SYN3: variants seen among roughly 807,000 people sequenced by gnomAD.
SYN3 encodes synapsin III.
SYN3 carries 35 observed loss-of-function variants against 65.8 expected under a neutral mutation model. The observed-to-expected ratio is 0.53, with a 90% CI of 0.41 to 0.70. The LOEUF is 0.70. SYN3 is among the 30% of genes least tolerant of loss of function. SYN3 has a pLI of 0.00. For missense variants in SYN3, 680 were observed against 749.0 expected, an observed-to-expected ratio of 0.91 and a Z score of 1.08; for synonymous variants, 270 against 292.9, an observed-to-expected ratio of 0.92 and a Z score of 0.80.
At chr22:32,728,813 G>A (rs1323731097) in intron 6 of SYN3, among the ~76,000 whole-genome samples, 1 of 152,176 alleles carries the variant, frequency 6.6e-6, no homozygotes, top group African/African-American at 2.4e-5. Flanking sequence ...TATCCAACAG[G>A]CTCTTGCCCT....
At chr22:32,785,564 G>A (rs894576754) in intron 6 of SYN3, among the ~76,000 whole-genome samples, 3 of 152,158 alleles carry the variant, frequency 2.0e-5, no homozygotes, top group African/African-American at 7.2e-5. Flanking sequence ...TCAAATGCTC[G>A]TGCATCCCAC....
chr22:32,740,865 C>T (rs1472946436), intron 6 of SYN3, among the ~76,000 whole-genome samples: 1 of 152,128 alleles, frequency 6.6e-6, no homozygotes, highest in African/African-American at 2.4e-5. Flanking sequence ...GCCAACAGAT[C>T]CCAGTATCCA....
chr22:32,992,925 C>T (rs1380685316), intron 2 of SYN3, among the ~76,000 whole-genome samples: 2 of 152,198 alleles, frequency 1.3e-5, no homozygotes, highest in Admixed American at 6.5e-5. Flanking sequence ...TCCATTCTGC[C>T]TTCTTCTGGT....
chr22:32,782,717 C>T (rs1602137874), intron 6 of SYN3, among the ~76,000 whole-genome samples: 1 of 151,804 alleles, frequency 6.6e-6, no homozygotes, highest in Non-Finnish European at 1.5e-5. Flanking sequence ...TGGGGTTGCA[C>T]CATGTTAGCC....
chr22:32,604,833 C>G (rs555909007), intron 6 of SYN3, among the ~76,000 whole-genome samples: 24 of 151,272 alleles, frequency 1.6e-4, no homozygotes, highest in East Asian at 5.8e-4. Flanking sequence ...GTGAAACCCA[C>G]TCTCTACTAA....
In SYN3 at chr22:32,531,430, C is replaced by T. The variant is rs373223709; in HGVS notation, c.1095+2363G>A. Reference sequence around the variant, plus strand: ...ATTCCCTGCAGTGGAAAACAGCCACCGCAAGGAACCTGAGGTTCATTTTGG... The same window carrying T: ...ATTCCCTGCAGTGGAAAACAGCCACTGCAAGGAACCTGAGGTTCATTTTGG... On this transcript the variant is annotated intron_variant, in intron 10 of 13. Transcript: ENST00000358763. Among the ~76,000 whole-genome samples, 4 of 152,258 alleles carry T rather than the reference C, an allele frequency of 2.6e-5. 1 individual carries two copies. The highest frequency in any genetic ancestry group is 9.6e-5 in the African/African-American group (4 of 41,550).
At chr22:32,948,018 C>A (rs1321848918) in intron 3 of SYN3, among the ~76,000 whole-genome samples, 2 of 152,170 alleles carry the variant, frequency 1.3e-5, no homozygotes, top group Non-Finnish European at 2.9e-5. Flanking sequence ...AGACTCTCAG[C>A]TGCTTAGGGC....
rs147984631 is a variant in SYN3, at chr22:33,006,531, G to A, written c.132C>T (p.His44=). ...AGAAGGAGGCAGCCAGGGGCTGGGG[G>A]TGCCTCCTCTCCATGGCGGGGGAAG... ...SPASPAMERR[H]PQPLAASFSS... Residue 44 remains histidine (H), a synonymous_variant, in exon 2 of 14, where the codon CAC becomes CAT. Coordinates refer to ENST00000358763, the MANE Select transcript of SYN3 (RefSeq NM_003490.4). 1.8e-4 allele frequency: 287 copies of A among 1,614,196 alleles called. 1 individual carries two copies. The African/African-American group carries it at 3.6e-3, about 20-fold the overall frequency.
rs1158885870 is a variant in SYN3, at chr22:33,015,220, CAAAAAAAAAA to C, written c.-162-8406_-162-8397del. On this transcript the variant is annotated intron_variant, in intron 1 of 13. Transcript: ENST00000358763. ...TGGGCGACAGAGTGAGACTCCGTCT[CAAAAAAAAAA>C]AAAAAAAAAAAACTACTGTATCTTG... 5.0e-3 allele frequency: 508 copies of C among 102,022 alleles called. 7 individuals carry two copies. The African/African-American group carries it at 0.092, about 18-fold the overall frequency. The allele number at this position is 102,022 out of a possible 1,614,324, so 6.3% of individuals were successfully genotyped here. A position where few individuals can be genotyped will look rare whatever the true frequency, so the allele number is the denominator to read the frequency against.
intron 1 of SYN3, among the ~76,000 whole-genome samples, chr22:33,011,209 T>C (rs2053344160): frequency 6.6e-6 from 1 of 152,168 alleles, no homozygotes; most frequent in Admixed American, 6.5e-5. Flanking sequence ...AACTAGAGGT[T>C]TTTGGTAAAT....
chr22:32,763,933 GCCC>G (rs59896920), intron 6 of SYN3, among the ~76,000 whole-genome samples: 142 of 142,046 alleles, frequency 1.0e-3, no homozygotes, highest in East Asian at 4.5e-3. Context: ...TGGTGTAGAA[GCCC>G]CCCCCCCCTT....
intron 8 of SYN3, among the ~76,000 whole-genome samples, chr22:32,540,880 A>G (rs1237689629): frequency 6.6e-6 from 1 of 152,226 alleles, no homozygotes; most frequent in Non-Finnish European, 1.5e-5. Context: ...ACTAGGGCAG[A>G]TTCATTTACC....
intron 4 of SYN3, among the ~76,000 whole-genome samples, chr22:32,917,106 C>A (rs1378492897): frequency 6.6e-6 from 1 of 152,184 alleles, no homozygotes; most frequent in Non-Finnish European, 1.5e-5. Context: ...CAGGCACTAA[C>A]AATTGAAAGA....
chr22:32,538,745 A>G (rs544238642), intron 8 of SYN3, among the ~76,000 whole-genome samples: 6 of 152,160 alleles, frequency 3.9e-5, no homozygotes, highest in African/African-American at 1.2e-4. Context: ...TTCATCTGAC[A>G]TACGACTTCC....
intron 6 of SYN3, among the ~76,000 whole-genome samples, chr22:32,839,349 T>A (rs2047829506): frequency 1.3e-5 from 2 of 152,308 alleles, no homozygotes; most frequent in East Asian, 3.9e-4. Flanking sequence ...TTTCCCACTG[T>A]CTATCCTTTG....
chr22:32,956,150 C>T (rs1256590135), intron 3 of SYN3, among the ~76,000 whole-genome samples: 3 of 147,980 alleles, frequency 2.0e-5, no homozygotes, highest in Non-Finnish European at 4.4e-5. Flanking sequence ...CCTCCCAGCC[C>T]CTACTAACTT....
chr22:33,020,359 C>T (rs2053539999), intron 1 of SYN3, among the ~76,000 whole-genome samples: 1 of 152,100 alleles, frequency 6.6e-6, no homozygotes, highest in African/African-American at 2.4e-5. Context: ...CTTGGCAGGA[C>T]CTTGTCATTG....
intron 7 of SYN3, among the ~76,000 whole-genome samples, chr22:32,546,779 A>G (rs921436689): frequency 3.9e-5 from 6 of 152,014 alleles, no homozygotes; most frequent in African/African-American, 1.4e-4. Context: ...TTGCTGCCCC[A>G]GGGGCTATGA....
intron 4 of SYN3, among the ~76,000 whole-genome samples, chr22:32,888,790 C>G (rs969213590): frequency 6.6e-6 from 1 of 152,142 alleles, no homozygotes; most frequent in African/African-American, 2.4e-5. Context: ...GTCACTGGAG[C>G]ATTCTGGATT....
Sources: gnomAD v4.1 joint callset for allele counts (sites outside exome capture counted in the v4.1 genomes callset) on GRCh38, gnomAD v4.1.1 for gene constraint, MANE v1.5 for transcripts, NCBI Gene and HGNC (gene_info 2026-07-23, HGNC 2026-07-21) for gene names.